The following KIAA0825 variants were observed in gnomAD, a reference collection of about 807,000 sequenced individuals.
KIAA0825 encodes KIAA0825.
A neutral mutation model predicts 147.6 loss-of-function variants in KIAA0825; 119 were observed. The ratio of observed to expected loss-of-function variants is 0.81; its 90% CI spans 0.69 to 0.94. The LOEUF (loss-of-function observed/expected upper bound fraction) is 0.94. KIAA0825 is among the 40% of genes least tolerant of loss of function. The probability of loss-of-function intolerance (pLI) is 0.00; values close to 1 mark genes in which losing one functional copy is unlikely to be tolerated. For missense variants in KIAA0825, 1,381 were observed against 1,472.7 expected (o/e 0.94, Z 1.02); for synonymous variants, 470 against 518.1 (o/e 0.91, Z 1.26).
intron 18 of KIAA0825, among the ~76,000 whole-genome samples, 168 bp from the exon 19 acceptor site, chr5:94,386,572 T>A (rs1749173785): frequency 6.6e-6 from 1 of 152,174 alleles, no homozygotes; most frequent in Non-Finnish European, 1.5e-5. Flanking sequence ...AGAGTACCAA[T>A]CAGCATTGCA....
rs945776089 is a variant in KIAA0825 at position 94,183,013 on chromosome 5, A to C, written c.3711-28889T>G. ...AGAGGTTGTGTATATCTTAGCACAG[A>C]AGAGCAAGGAAGAGAGTTTGTGGGT... On this transcript the variant is annotated intron_variant, in intron 20 of 20. Transcript: ENST00000682413. 3.9e-5 allele frequency among the ~76,000 whole-genome samples: 6 copies of C among 152,320 alleles called. No individual in the cohort carries two copies. The East Asian group carries it at 1.2e-3, about 29-fold the overall frequency.
chr5:94,288,044 C>T (rs145886369), intron 20 of KIAA0825, among the ~76,000 whole-genome samples: 86 of 152,256 alleles, frequency 5.6e-4, no homozygotes, highest in African/African-American at 2.0e-3. Context: ...ATGTCTATTG[C>T]TTCTGCTCCT....
At position 94,562,430 on chromosome 5, in the gene KIAA0825, G is replaced by A. The variant is rs191045240; in HGVS notation, c.-2+20003C>T. ...TCTATCATATCAACATAGTCATCATGATCCAAGCTGCAAATAATAGAGAGT... is the reference window on the plus strand; with the variant it reads ...TCTATCATATCAACATAGTCATCATAATCCAAGCTGCAAATAATAGAGAGT... On this transcript the variant is annotated intron_variant, in intron 2 of 20. Transcript: ENST00000682413. 1.1e-3 allele frequency among the ~76,000 whole-genome samples: 172 copies of A among 152,228 alleles called. 1 individual carries two copies. Among genetic ancestry groups the A allele is most frequent in the African/African-American group, 4.0e-3 (166 of 41,522 alleles).
chr5:94,593,871 C>G, intron 1 of KIAA0825: 1 of 377,988 alleles, frequency 2.6e-6, no homozygotes, highest in Non-Finnish European at 5.4e-6. Flanking sequence ...CTGGCCTCTG[C>G]TATTTCCCTG....
chr5:94,297,614 G>T (rs1778195769), intron 20 of KIAA0825, among the ~76,000 whole-genome samples: 1 of 151,078 alleles, frequency 6.6e-6, no homozygotes, highest in Non-Finnish European at 1.5e-5. Flanking sequence ...TATTATTTTT[G>T]AGATAGAGTC....
chr5:94,521,788 A>G (rs1417613897), intron 4 of KIAA0825, among the ~76,000 whole-genome samples: 1 of 151,722 alleles, frequency 6.6e-6, no homozygotes, highest in Non-Finnish European at 1.5e-5. Context: ...TGTCTATTTT[A>G]GCTAATACTG....
rs556372517 is a variant in KIAA0825 at position 94,409,065 on chromosome 5, A to T, written c.2663-5272T>A. Among the ~76,000 whole-genome samples the T allele has an allele frequency of 9.2e-5, 14 of 152,320 alleles. No homozygotes were observed. The South Asian group carries it at 2.5e-3, about 27-fold the overall frequency. On this transcript the variant is annotated intron_variant, in intron 15 of 20. Transcript: ENST00000682413. Reference sequence around the variant, plus strand: ...AATGATATTATGAATTAAGTAAAAAATAGTACACTGAGAGTCCTTCACTTT... The same window carrying T: ...AATGATATTATGAATTAAGTAAAAATTAGTACACTGAGAGTCCTTCACTTT...
intron 5 of KIAA0825, among the ~76,000 whole-genome samples, chr5:94,490,527 T>C (rs1432543836): frequency 1.3e-5 from 2 of 152,084 alleles, no homozygotes; most frequent in African/African-American, 4.8e-5. Context: ...TAGAGTATAT[T>C]GATAATATTT....
At chr5:94,541,845 C>G (rs186771139) in intron 2 of KIAA0825, among the ~76,000 whole-genome samples, 50 of 152,260 alleles carry the variant, frequency 3.3e-4, no homozygotes, top group Admixed American at 9.8e-4. Context: ...GAAGCATTAT[C>G]AAATGTAAAA....
chr5:94,490,223 T>C (rs1336713493), intron 5 of KIAA0825, among the ~76,000 whole-genome samples: 1 of 152,158 alleles, frequency 6.6e-6, no homozygotes, highest in Non-Finnish European at 1.5e-5. Flanking sequence ...CATAATCTCA[T>C]ACAAAGTAGG....
At chr5:94,244,828 C>G (rs1282718568) in intron 20 of KIAA0825, among the ~76,000 whole-genome samples, 8 of 152,136 alleles carry the variant, frequency 5.3e-5, no homozygotes. Context: ...AACAGTTTAT[C>G]CATATTCTAT....
intron 20 of KIAA0825, among the ~76,000 whole-genome samples, chr5:94,163,399 T>C (rs1463392941): frequency 2.0e-5 from 3 of 152,182 alleles, no homozygotes; most frequent in Admixed American, 6.5e-5. Context: ...TCTTCCGACT[T>C]TCTTTACCAC....
chr5:94,601,245 A>C (rs1019060868), intron 1 of KIAA0825, among the ~76,000 whole-genome samples: 1 of 152,194 alleles, frequency 6.6e-6, no homozygotes, highest in Non-Finnish European at 1.5e-5. Flanking sequence ...ACTATTTCAC[A>C]GCCTTCACTG....
At chr5:94,344,998 A>G (rs1004885354) in intron 20 of KIAA0825, among the ~76,000 whole-genome samples, 2 of 152,206 alleles carry the variant, frequency 1.3e-5, no homozygotes, top group Non-Finnish European at 2.9e-5. Context: ...TAGTGATTAT[A>G]CAACAATGTG....
rs574931009 is a variant in KIAA0825, at chr5:94,221,544, G to C, written c.3711-67420C>G. On this transcript the variant is annotated intron_variant, in intron 20 of 20. Coordinates refer to ENST00000682413, the MANE Select transcript of KIAA0825 (RefSeq NM_001145678.3). The stretch of plus-strand genomic sequence containing the variant: ...CACAGGAACCTGCTCCAAGAGGCAA[G>C]AATGAGGCGATGTTTTGTGAGGAGG... Among the ~76,000 whole-genome samples the C allele has an allele frequency of 2.6e-5, 4 of 152,276 alleles. No individual in the cohort carries two copies. In the East Asian group the frequency reaches 7.7e-4, roughly 29 times the overall value.
intron 20 of KIAA0825, among the ~76,000 whole-genome samples, chr5:94,377,080 T>C (rs559458732): frequency 5.3e-5 from 8 of 152,292 alleles, no homozygotes; most frequent in African/African-American, 1.9e-4. Flanking sequence ...ACTTTAATAA[T>C]TATTATCATT....
intron 1 of KIAA0825, chr5:94,592,731 C>T (rs1258262854): frequency 3.3e-6 from 1 of 304,258 alleles, no homozygotes; most frequent in Non-Finnish European, 6.3e-6. Flanking sequence ...CAACTAGTTA[C>T]AGACGGTTTT....
chr5:94,295,288 C>T (rs913907183), intron 20 of KIAA0825, among the ~76,000 whole-genome samples: 1 of 151,996 alleles, frequency 6.6e-6, no homozygotes, highest in Admixed American at 6.6e-5. Flanking sequence ...TTATGTTCTT[C>T]TCTAAACTGG....
chr5:94,330,629 A>T (rs1296425398), intron 20 of KIAA0825, among the ~76,000 whole-genome samples: 1 of 152,158 alleles, frequency 6.6e-6, no homozygotes, highest in Non-Finnish European at 1.5e-5. Context: ...CAAACCAATC[A>T]TCTAAGATTA....
Sources: gnomAD v4.1 joint callset for allele counts (sites outside exome capture counted in the v4.1 genomes callset) on GRCh38, gnomAD v4.1.1 for gene constraint, MANE v1.5 for transcripts, NCBI Gene and HGNC (gene_info 2026-07-23, HGNC 2026-07-21) for gene names.